Variants in TERF2 observed in about 807,000 individuals in gnomAD.
TERF2 encodes the protein telomeric repeat binding factor 2.
In TERF2, 16 loss-of-function variants were observed where a neutral mutation model predicts 56.1. The observed-to-expected ratio is 0.29, with a 90% CI of 0.19 to 0.43. The LOEUF is 0.43. Ranked by LOEUF, TERF2 falls within the 20% of genes least tolerant of loss-of-function variation. The pLI, the probability that TERF2 is intolerant of heterozygous loss-of-function variation, is 1.00. For synonymous variants in TERF2, 296 were observed against 282.1 expected (o/e 1.05, Z -0.50); for missense variants, 547 against 712.9 (o/e 0.77, Z 2.65).
intron 7 of TERF2, among the ~76,000 whole-genome samples, chr16:69,364,692 A>G (rs2013274116): frequency 6.6e-6 from 1 of 152,096 alleles, no homozygotes; most frequent in Admixed American, 6.6e-5. Flanking sequence ...AACACACTCG[A>G]CGACCTTCTG....
chr16:69,360,517 A>G (rs2013095250), intron 8 of TERF2, among the ~76,000 whole-genome samples: 1 of 152,066 alleles, frequency 6.6e-6, no homozygotes, highest in South Asian at 2.1e-4. Flanking sequence ...CATACTGGCC[A>G]ACATGGTGAA....
At chr16:69,382,712 T>C (rs1296240526) in intron 3 of TERF2, among the ~76,000 whole-genome samples, 1 of 152,166 alleles carries the variant, frequency 6.6e-6, no homozygotes, top group African/African-American at 2.4e-5. Context: ...CAACAGCCAG[T>C]AGGAAAGTGA....
At chr16:69,370,313 G>C in intron 5 of TERF2, 170 bp downstream of exon 5, 2 of 906,958 alleles carry the variant, frequency 2.2e-6, no homozygotes, top group African/African-American at 1.7e-5. Flanking sequence ...TTACAGGCGT[G>C]AGCCATTGCG....
chr16:69,385,883 C>T lies in TERF2; in HGVS notation c.89G>A (p.Gly30Asp). 1 of 1,372,954 alleles carries T rather than the reference C, an allele frequency of 7.3e-7. No individual in the cohort carries two copies. Among genetic ancestry groups the T allele is most frequent in the South Asian group, 1.6e-5 (1 of 60,852 alleles). 85.0% of individuals were successfully genotyped at this position (1,372,954 alleles called of 1,614,324 possible). A position where few individuals can be genotyped will look rare whatever the true frequency, so the allele number is the denominator to read the frequency against. The change falls in exon 1 of 10, where the codon GGC (glycine) becomes GAC (aspartate). Residue 30 changes from glycine to aspartate, a missense_variant. Physicochemically the swap from Gly to Asp is moderately conservative, Grantham distance 94. Around this residue, in one of 6 missense-constraint regions of TERF2, gnomAD observed 85 missense variants for 59.5 expected, o/e 1.43. Transcript: ENST00000254942. ...CCGCGCGCCCTCCCCGCCCTCCCGGCCGGGCCGCTTCCTCGGCTGTGACGC... is the reference window on the plus strand; with the variant it reads ...CCGCGCGCCCTCCCCGCCCTCCCGGTCGGGCCGCTTCCTCGGCTGTGACGC... ...PAASQPRKRPGREGGEGARRS... is the reference protein window; with the variant it reads ...PAASQPRKRPDREGGEGARRS...
At position 69,367,030 on chromosome 16, in the gene TERF2, G is replaced by T. The variant is rs1306145940; in HGVS notation, c.1117C>A (p.Pro373Thr). 1.9e-6 allele frequency: 3 copies of T among 1,614,196 alleles called. No homozygotes were observed. The highest frequency in any genetic ancestry group is 2.5e-6 in the Non-Finnish European group (3 of 1,180,038). The change falls in exon 7 of 10, where the codon CCC (proline) becomes ACC (threonine). Residue 373 changes from proline (P) to threonine (T), a missense_variant. By Grantham distance (38) the Pro-to-Thr change is conservative. This residue lies in a region of TERF2 where 211 missense variants were observed against 236.8 expected (regional missense o/e 0.89). Coordinates refer to ENST00000254942, the MANE Select transcript of TERF2 (RefSeq NM_005652.5). Reference sequence around the variant, plus strand: ...GAACTTTCGTTTTCATCTTTTCTGGGTCTCTTGTTTTTGAGGGCTGGTGAT... The same window carrying T: ...GAACTTTCGTTTTCATCTTTTCTGGTTCTCTTGTTTTTGAGGGCTGGTGAT... ...PASPALKNKR[P>T]RKDENESSAP...
chr16:69,381,787 T>A (rs886467153), intron 3 of TERF2, among the ~76,000 whole-genome samples: 8 of 152,198 alleles, frequency 5.3e-5, no homozygotes, highest in Non-Finnish European at 8.8e-5. Flanking sequence ...GGCCCATACT[T>A]TCTATTTCAA....
rs537956081 is a variant in TERF2 at position 69,368,716 on chromosome 16, G to A, written c.841-234C>T. On this transcript the variant is annotated intron_variant, in intron 5 of 9. Coordinates refer to ENST00000254942, the MANE Select transcript of TERF2 (RefSeq NM_005652.5). ...TTTTGAGAGGGAGTCTTGCTCTGTC[G>A]CCCAGGCTGCAGCACAGTGGTGCAA... 3.5e-4 allele frequency: 347 copies of A among 981,114 alleles called. 5 individuals carry two copies. In the South Asian group the frequency reaches 4.5e-3, roughly 13 times the overall value. 60.8% of individuals were successfully genotyped at this position (981,114 alleles called of 1,614,324 possible).
In TERF2 at chr16:69,385,859, C is replaced by T. The variant is rs952482978; in HGVS notation, c.113G>A (p.Arg38Gln). 1.8e-5 allele frequency: 25 copies of T among 1,369,732 alleles called. No individual in the cohort carries two copies. In the African/African-American group the frequency reaches 3.6e-4, roughly 20 times the overall value. The allele number at this position is 1,369,732 out of a possible 1,614,324, so 84.8% of individuals were successfully genotyped here. The change falls in exon 1 of 10, where the codon CGG (arginine) becomes CAG (glutamine). Residue 38 changes from arginine (R) to glutamine (Q), a missense_variant. Arg to Gln is a conservative substitution (Grantham distance 43). Around this residue, in one of 6 missense-constraint regions of TERF2, gnomAD observed 120 missense variants for 172.4 expected, o/e 0.70. Coordinates refer to ENST00000254942, the MANE Select transcript of TERF2 (RefSeq NM_005652.5). ...RPGREGGEGA[R>Q]RSDTMAGGGG... Reference sequence around the variant, plus strand: ...TCCTCCCGCCATCGTGTCCGATCGCCGCGCGCCCTCCCCGCCCTCCCGGCC... The same window carrying T: ...TCCTCCCGCCATCGTGTCCGATCGCTGCGCGCCCTCCCCGCCCTCCCGGCC...
chr16:69,356,769 C>T lies in TERF2; in HGVS notation c.*129G>A, dbSNP rs1187671894. On this transcript the variant is annotated 3_prime_UTR_variant, in exon 10 of 10. Coordinates refer to ENST00000254942, the MANE Select transcript of TERF2 (RefSeq NM_005652.5). ...GAGCCGAGATCACGCCACTGCACTC[C>T]AGCCTGGGTGACAGAGCGAGACTCT... The T allele has an allele frequency of 1.8e-6, 2 of 1,088,488 alleles. No individual in the cohort carries two copies. The highest frequency in any genetic ancestry group is 3.3e-5 in the African/African-American group (2 of 60,812). The allele number at this position is 1,088,488 out of a possible 1,614,324, so 67.4% of individuals were successfully genotyped here.
chr16:69,380,113 A>C (rs2013941424), intron 3 of TERF2, among the ~76,000 whole-genome samples: 1 of 151,950 alleles, frequency 6.6e-6, no homozygotes, highest in African/African-American at 2.4e-5. Flanking sequence ...GGGTTTCACC[A>C]TACTGGCCAG....
At chr16:69,370,737 G>T in intron 4 of TERF2, 108 bp from the exon 5 acceptor site, 1 of 1,096,606 alleles carries the variant, frequency 9.1e-7, no homozygotes, top group Non-Finnish European at 1.3e-6. Flanking sequence ...TGCCGTCAAT[G>T]CAAATCACTG....
Position 69,356,761 on chromosome 16 carries a change from C to T in TERF2, c.*137G>A. On this transcript the variant is annotated 3_prime_UTR_variant, in exon 10 of 10. Coordinates refer to ENST00000254942, the MANE Select transcript of TERF2 (RefSeq NM_005652.5). ...GTCGCAGTGAGCCGAGATCACGCCACTGCACTCCAGCCTGGGTGACAGAGC... is the reference window on the plus strand; with the variant it reads ...GTCGCAGTGAGCCGAGATCACGCCATTGCACTCCAGCCTGGGTGACAGAGC... The T allele has an allele frequency of 1.0e-6, 1 of 980,056 alleles. No homozygotes were observed. The highest frequency in any genetic ancestry group is 1.8e-5 in the South Asian group (1 of 54,220). 60.7% of individuals were successfully genotyped at this position (980,056 alleles called of 1,614,324 possible). A position where few individuals can be genotyped will look rare whatever the true frequency, so the allele number is the denominator to read the frequency against.
intron 7 of TERF2, among the ~76,000 whole-genome samples, chr16:69,362,023 C>G (rs1159479435): frequency 6.6e-6 from 1 of 151,438 alleles, no homozygotes; most frequent in Non-Finnish European, 1.5e-5. Context: ...AAAATTACCA[C>G]ATGCCTCTTC....
At chr16:69,357,415 T>C in intron 9 of TERF2, 103 bp downstream of exon 9, 1 of 948,334 alleles carries the variant, frequency 1.1e-6, no homozygotes. Context: ...CAAAAAAAGG[T>C]TTTTACTGGG....
chr16:69,372,230 T>C (rs1567450590), intron 4 of TERF2, 39 bp downstream of exon 4: 1 of 1,432,264 alleles, frequency 7.0e-7, no homozygotes, highest in Non-Finnish European at 9.7e-7. Context: ...AGCAATGAGA[T>C]GAATTTAAGT....
At chr16:69,368,707 TG>T in intron 5 of TERF2, 2 of 1,093,596 alleles carry the variant, frequency 1.8e-6, no homozygotes, top group Non-Finnish European at 2.5e-6. Flanking sequence ...GAGGGAGTCT[TG>T]CTCTGTCGCC....
At chr16:69,370,405 CT>C in intron 5 of TERF2, 77 bp downstream of exon 5, 1 of 1,547,896 alleles carries the variant, frequency 6.5e-7, no homozygotes, top group African/African-American at 1.4e-5. Context: ...CACATCAACT[CT>C]TTTCACTTCA....
intron 8 of TERF2, 146 bp downstream of exon 8, chr16:69,361,258 T>C: frequency 1.6e-6 from 1 of 635,760 alleles, no homozygotes; most frequent in Non-Finnish European, 2.8e-6. Context: ...AAAAAACTGA[T>C]TCTTCATGAA....
At chr16:69,364,805 G>A (rs187336718) in intron 7 of TERF2, among the ~76,000 whole-genome samples, 1 of 152,146 alleles carries the variant, frequency 6.6e-6, no homozygotes, top group Non-Finnish European at 1.5e-5. Context: ...AGTGGCCAGG[G>A]CACCTCACAC....
Sources: allele counts gnomAD v4.1 joint callset (sites outside exome capture counted in the v4.1 genomes callset), GRCh38; gene constraint gnomAD v4.1.1; regional missense constraint gnomAD v4.1.1; transcripts MANE v1.5; gene names NCBI Gene and HGNC (gene_info 2026-07-23, HGNC 2026-07-21).